ITGB3BP: variants seen among roughly 807,000 people sequenced by gnomAD.
The protein encoded by ITGB3BP is integrin subunit beta 3 binding protein.
ITGB3BP carries 27 observed loss-of-function variants against 29.1 expected under a neutral mutation model. That is an observed-to-expected ratio of 0.93 (90% CI 0.68 to 1.28). The LOEUF (loss-of-function observed/expected upper bound fraction) is 1.28, where lower values mean the gene tolerates loss of function less well. Ranked by LOEUF, ITGB3BP falls within the 50% of genes most tolerant of loss-of-function variation. The probability of loss-of-function intolerance (pLI) is 0.00; values close to 1 mark genes in which losing one functional copy is unlikely to be tolerated. For missense variants in ITGB3BP, 192 were observed against 200.2 expected (o/e 0.96, Z 0.25); for synonymous variants, 61 against 61.4 (o/e 0.99, Z 0.03).
chr1:63,470,323 G>C (rs994871734), intron 4 of ITGB3BP, among the ~76,000 whole-genome samples: 9 of 152,182 alleles, frequency 5.9e-5, no homozygotes, highest in Non-Finnish European at 1.3e-4. Context: ...ATTTACATGA[G>C]AGTTTGGGAG....
At chr1:63,480,018 T>C (rs1326995473) in intron 3 of ITGB3BP, among the ~76,000 whole-genome samples, 1 of 152,104 alleles carries the variant, frequency 6.6e-6, no homozygotes, top group South Asian at 2.1e-4. Flanking sequence ...AGGACCTGAA[T>C]CTTTAAATGC....
chr1:63,461,299 A>G (rs1428022195), intron 4 of ITGB3BP, among the ~76,000 whole-genome samples: 2 of 148,094 alleles, frequency 1.4e-5, no homozygotes. Context: ...GTCTTTGCCT[A>G]TATTTAAAAT....
At chr1:63,443,159 A>C (rs1644750490) in intron 8 of ITGB3BP, 2 of 152,450 alleles carry the variant, frequency 1.3e-5, no homozygotes, top group African/African-American at 4.8e-5. Context: ...CAGGTAGGGA[A>C]GTTGGCCACG....
chr1:63,464,044 C>T (rs1431675110), intron 4 of ITGB3BP, among the ~76,000 whole-genome samples: 1 of 151,968 alleles, frequency 6.6e-6, no homozygotes, highest in Admixed American at 6.6e-5. Context: ...TTTGGTTACC[C>T]ACAAGAAATA....
At chr1:63,460,902 A>G (rs1242307113) in intron 4 of ITGB3BP, among the ~76,000 whole-genome samples, 1 of 151,956 alleles carries the variant, frequency 6.6e-6, no homozygotes. Flanking sequence ...TATTTAATAT[A>G]TTTTCATGTG....
chr1:63,479,973 G>T (rs1645409485), intron 3 of ITGB3BP, among the ~76,000 whole-genome samples: 1 of 152,124 alleles, frequency 6.6e-6, no homozygotes, highest in African/African-American at 2.4e-5. Flanking sequence ...TAGTGGGATT[G>T]CTGGGTCATA....
At chr1:63,465,140 C>T (rs72918611) in intron 4 of ITGB3BP, among the ~76,000 whole-genome samples, 18,711 of 152,024 alleles carry the variant, frequency 0.12, 1,272 homozygotes, top group African/African-American at 0.16. Flanking sequence ...GAAATACACA[C>T]TGAAGGATTT....
Position 63,443,593 on chromosome 1 carries a change from C to G in ITGB3BP, c.*2-2490G>C, listed in dbSNP as rs763499089. Among the ~76,000 whole-genome samples, 3 of 152,096 alleles carry G rather than the reference C, an allele frequency of 2.0e-5. 1 individual carries two copies. The highest frequency in any genetic ancestry group is 7.2e-5 in the African/African-American group (3 of 41,396). On this transcript the variant is annotated intron_variant, in intron 8 of 8. Transcript: ENST00000271002. ...CATACATATGGTAGAGTGATACCTT[C>G]TAAAGCATACATTTGTCCAGTAGCA...
At chr1:63,473,286 C>G (rs1262680065) in intron 4 of ITGB3BP, among the ~76,000 whole-genome samples, 3 of 151,244 alleles carry the variant, frequency 2.0e-5, no homozygotes, top group South Asian at 4.2e-4. Flanking sequence ...CGGCAGCCAC[C>G]CCGTCTGGGA....
At chr1:63,523,930 A>G (rs1481484982), upstream of ITGB3BP, among the ~76,000 whole-genome samples, 1 of 151,662 alleles carries the variant, frequency 6.6e-6, no homozygotes. Context: ...TTTTCTTGCT[A>G]TTGTGTGGCT....
At chr1:63,463,481 AAG>A (rs1645052176) in intron 4 of ITGB3BP, among the ~76,000 whole-genome samples, 2 of 152,186 alleles carry the variant, frequency 1.3e-5, no homozygotes, top group Admixed American at 1.3e-4. Context: ...ACAGTTTTGT[AAG>A]ATGTTATGTT....
intron 2 of ITGB3BP, among the ~76,000 whole-genome samples, chr1:63,499,020 T>C (rs1272659208): frequency 6.6e-6 from 1 of 152,072 alleles, no homozygotes. Context: ...ACACATAACA[T>C]ACCAGGATTG....
At chr1:63,523,328 G>A (rs1380076195), upstream of ITGB3BP, 3 of 690,658 alleles carry the variant, frequency 4.3e-6, no homozygotes, top group African/African-American at 5.4e-5. Flanking sequence ...GAGCGAGCGG[G>A]GAGTTCTAGG....
At chr1:63,492,359 C>T (rs1226665576) in intron 2 of ITGB3BP, among the ~76,000 whole-genome samples, 2 of 152,132 alleles carry the variant, frequency 1.3e-5, no homozygotes, top group African/African-American at 4.8e-5. Flanking sequence ...CCTTTCCCTA[C>T]TATACCACTA....
chr1:63,494,428 T>C (rs75453490), intron 2 of ITGB3BP, among the ~76,000 whole-genome samples: 3,259 of 152,262 alleles, frequency 0.021, 125 homozygotes, highest in African/African-American at 0.074. Context: ...CCCAACTACC[T>C]TCTTATCAGC....
chr1:63,484,371 G>A (rs1156704536), intron 3 of ITGB3BP, among the ~76,000 whole-genome samples: 1 of 151,872 alleles, frequency 6.6e-6, no homozygotes, highest in Non-Finnish European at 1.5e-5. Context: ...AGGAAGGGAC[G>A]ACTGTATAAA....
In ITGB3BP at chr1:63,446,876, T is replaced by A. The variant is rs1437181226; in HGVS notation, c.485-20A>T. 1.3e-6 allele frequency: 2 copies of A among 1,512,466 alleles called. No homozygotes were observed. Among genetic ancestry groups the A allele is most frequent in the Non-Finnish European group, 1.8e-6 (2 of 1,107,656 alleles). 93.7% of individuals were successfully genotyped at this position (1,512,466 alleles called of 1,614,324 possible). A position where few individuals can be genotyped will look rare whatever the true frequency, so the allele number is the denominator to read the frequency against. ...GTGATGCTATATGAAAGAAGAAAGGTTTTTTTTTTCAGAAAACAATTCAAA... is the reference window on the plus strand; with the variant it reads ...GTGATGCTATATGAAAGAAGAAAGGATTTTTTTTTCAGAAAACAATTCAAA... On this transcript the variant is annotated intron_variant, in intron 7 of 8. Coordinates refer to ENST00000271002, the MANE Select transcript of ITGB3BP (RefSeq NM_014288.5).
intron 1 of ITGB3BP, among the ~76,000 whole-genome samples, chr1:63,514,924 G>A (rs554688290): frequency 7.6e-6 from 1 of 131,670 alleles, no homozygotes; most frequent in East Asian, 2.2e-4. Context: ...CCAGCCTGGT[G>A]ACAGAGCGAG....
chr1:63,487,546 A>C (rs1278539168), intron 3 of ITGB3BP, among the ~76,000 whole-genome samples: 1 of 152,074 alleles, frequency 6.6e-6, no homozygotes, highest in East Asian at 1.9e-4. Flanking sequence ...TGTATAACCT[A>C]CCACACACCT....
Sources: allele counts gnomAD v4.1 joint callset (sites outside exome capture counted in the v4.1 genomes callset), GRCh38; gene constraint gnomAD v4.1.1; transcripts MANE v1.5; gene names NCBI Gene and HGNC (gene_info 2026-07-23, HGNC 2026-07-21).